The following SMARCA2 variants were observed in gnomAD, a reference collection of about 807,000 sequenced individuals.
The protein encoded by SMARCA2 is SWI/SNF related BAF chromatin remodeling complex subunit ATPase 2.
Under a neutral mutation model 199.8 loss-of-function variants are expected in SMARCA2, and 61 were observed. The ratio of observed to expected loss-of-function variants is 0.31; its 90% CI spans 0.25 to 0.38. The LOEUF (loss-of-function observed/expected upper bound fraction) is 0.38. Ranked by LOEUF, SMARCA2 falls within the 10% of genes least tolerant of loss-of-function variation. SMARCA2 has a pLI of 1.00. For missense variants in SMARCA2, 1,344 were observed against 2,012.2 expected (o/e 0.67, Z 6.35); for synonymous variants, 935 against 732.0 (o/e 1.28, Z -4.48).
Position 2,170,752 on chromosome 9 carries a change from C to G in SMARCA2, c.4253+280C>G, listed in dbSNP as rs1354306658. On this transcript the variant is annotated intron_variant, in intron 29 of 33. Coordinates refer to ENST00000349721, the MANE Select transcript of SMARCA2 (RefSeq NM_003070.5). This position sits in a 1 kb window ranked among gnomAD's most constrained non-coding sequence, Gnocchi z 4.7. Reference sequence around the variant, plus strand: ...GGAAAGCCCGCCCTAACTGCAGCATCTTGGAGATGGGTTTCTGTTGCTTCC... The same window carrying G: ...GGAAAGCCCGCCCTAACTGCAGCATGTTGGAGATGGGTTTCTGTTGCTTCC... Among the ~76,000 whole-genome samples, 1 of 152,224 alleles carries G rather than the reference C, an allele frequency of 6.6e-6. No homozygotes were observed. Among genetic ancestry groups the G allele is most frequent in the African/African-American group, 2.4e-5 (1 of 41,448 alleles).
At chr9:2,103,843 C>T (rs1331586508) in intron 22 of SMARCA2, among the ~76,000 whole-genome samples, 160 bp from the exon 23 acceptor site, 2 of 152,030 alleles carry the variant, frequency 1.3e-5, no homozygotes, top group Non-Finnish European at 2.9e-5. Context: ...TAAATATTCT[C>T]ATTGCTTTGG....
intron 10 of SMARCA2, among the ~76,000 whole-genome samples, chr9:2,072,342 C>T (rs1821123657): frequency 6.6e-6 from 1 of 152,116 alleles, no homozygotes; most frequent in Admixed American, 6.5e-5. Flanking sequence ...CAATCAGGAG[C>T]AGTCATTCGT....
intron 3 of SMARCA2, among the ~76,000 whole-genome samples, chr9:2,033,835 A>C (rs1415428894): frequency 6.6e-6 from 1 of 151,970 alleles, no homozygotes; most frequent in Non-Finnish European, 1.5e-5. Context: ...ATCCACATGA[A>C]ATTTTTCCTG....
intron 32 of SMARCA2, among the ~76,000 whole-genome samples, chr9:2,189,702 CA>C (rs1464773510): frequency 6.6e-6 from 1 of 151,938 alleles, no homozygotes; most frequent in African/African-American, 2.4e-5. Flanking sequence ...AAGCAGCAGA[CA>C]GTGGGTATAA....
At chr9:2,095,701 T>C (rs941840378) in intron 19 of SMARCA2, among the ~76,000 whole-genome samples, 11 of 152,234 alleles carry the variant, frequency 7.2e-5, no homozygotes, top group African/African-American at 2.7e-4. Context: ...GAAGGAATAT[T>C]CAAGTTCTCT....
At position 2,115,025 on chromosome 9, in the gene SMARCA2, G is replaced by A. The variant is rs1823157517; in HGVS notation, c.3457-797G>A. On this transcript the variant is annotated intron_variant, in intron 24 of 33. Transcript: ENST00000349721. The surrounding 1 kb of genome is among the most constrained non-coding windows in gnomAD (Gnocchi z 6.0). ...TACTATAATTCATTTAACTAATTCAGTATTGTTGAATGTTTCTTTTTTTAA... is the reference window on the plus strand; with the variant it reads ...TACTATAATTCATTTAACTAATTCAATATTGTTGAATGTTTCTTTTTTTAA... 6.6e-6 allele frequency among the ~76,000 whole-genome samples: 1 copy of A among 151,730 alleles called. No homozygotes were observed. The highest frequency in any genetic ancestry group is 2.1e-4 in the South Asian group (1 of 4,814).
rs1226947012 is a variant in SMARCA2, at chr9:2,056,233, G to A, written c.1174-439G>A. Among the ~76,000 whole-genome samples, 1 of 152,184 alleles carries A rather than the reference G, an allele frequency of 6.6e-6. No individual in the cohort carries two copies. Among genetic ancestry groups the A allele is most frequent in the Admixed American group, 6.5e-5 (1 of 15,278 alleles). Reference sequence around the variant, plus strand: ...GTTTGAGTACCTGCTGCTACCACACGTGAAAGTAATTCTTTTATTCTTTTT... The same window carrying A: ...GTTTGAGTACCTGCTGCTACCACACATGAAAGTAATTCTTTTATTCTTTTT... On this transcript the variant is annotated intron_variant, in intron 6 of 33. Transcript: ENST00000349721. The surrounding 1 kb of genome is among the most constrained non-coding windows in gnomAD (Gnocchi z 4.0).
chr9:2,167,951 A>G (rs1267044430), intron 28 of SMARCA2, among the ~76,000 whole-genome samples: 1 of 152,108 alleles, frequency 6.6e-6, no homozygotes, highest in African/African-American at 2.4e-5. Flanking sequence ...ATCTGAGGAT[A>G]CAATGACATT....
chr9:2,192,557 G>T, intron 33 of SMARCA2, 147 bp from the exon 34 acceptor site: 1 of 709,064 alleles, frequency 1.4e-6, no homozygotes. Flanking sequence ...CCTCTTTAAT[G>T]TGTTTCTGTC....
intron 27 of SMARCA2, among the ~76,000 whole-genome samples, chr9:2,128,025 G>C (rs1335843751): frequency 6.6e-6 from 1 of 152,048 alleles, no homozygotes; most frequent in African/African-American, 2.4e-5. Context: ...AGGAAACTTA[G>C]ATGTCCTTAG....
intron 27 of SMARCA2, among the ~76,000 whole-genome samples, chr9:2,133,445 C>G (rs1012239934): frequency 5.9e-5 from 9 of 152,022 alleles, no homozygotes; most frequent in African/African-American, 2.2e-4. Flanking sequence ...CCACACCCAG[C>G]TAATTTTTGT....
chr9:2,174,402 C>T (rs1826421025), intron 29 of SMARCA2, among the ~76,000 whole-genome samples: 1 of 152,166 alleles, frequency 6.6e-6, no homozygotes, highest in Admixed American at 6.5e-5. Flanking sequence ...CTGTCTCACT[C>T]CTTTAGAATC....
chr9:2,097,161 C>T (rs1218112473), intron 20 of SMARCA2: 4 of 512,464 alleles, frequency 7.8e-6, no homozygotes, highest in Non-Finnish European at 1.4e-5. Flanking sequence ...GGACATAATC[C>T]TTCAAGGTTC....
At chr9:2,176,690 C>G (rs1563829873) in intron 29 of SMARCA2, among the ~76,000 whole-genome samples, 1 of 151,544 alleles carries the variant, frequency 6.6e-6, no homozygotes, top group South Asian at 2.1e-4. Flanking sequence ...TAGCTTGGGA[C>G]TACAGGCACA....
intron 32 of SMARCA2, among the ~76,000 whole-genome samples, chr9:2,188,025 T>A (rs1008021678): frequency 1.3e-5 from 2 of 152,184 alleles, no homozygotes; most frequent in African/African-American, 4.8e-5. Context: ...TTACACGTTT[T>A]TTTACCTTTT....
At chr9:2,159,200 T>C (rs532045071) in intron 27 of SMARCA2, among the ~76,000 whole-genome samples, 1 of 152,300 alleles carries the variant, frequency 6.6e-6, no homozygotes, top group Admixed American at 6.5e-5. Flanking sequence ...AGTAGAAATA[T>C]CCTTTTTACA....
intron 28 of SMARCA2, among the ~76,000 whole-genome samples, chr9:2,167,926 C>G (rs956207155): frequency 1.1e-4 from 16 of 151,788 alleles, no homozygotes; most frequent in African/African-American, 3.9e-4. Context: ...AAGTAGGGGT[C>G]GTATGAGCCC....
intron 21 of SMARCA2, among the ~76,000 whole-genome samples, chr9:2,097,954 C>G (rs907048175): frequency 6.6e-6 from 1 of 152,116 alleles, no homozygotes; most frequent in African/African-American, 2.4e-5. Context: ...TTATATTTTT[C>G]CTTTCTTGTT....
chr9:2,049,970 T>C (rs1820044683), intron 5 of SMARCA2, among the ~76,000 whole-genome samples: 1 of 152,212 alleles, frequency 6.6e-6, no homozygotes, highest in Non-Finnish European at 1.5e-5. Flanking sequence ...AAAAATCATC[T>C]GTCAGAAATT....
Sources: gnomAD v4.1 joint callset for allele counts (sites outside exome capture counted in the v4.1 genomes callset) on GRCh38, gnomAD v4.1.1 for gene constraint, Gnocchi (gnomAD v3.1) non-coding constraint, MANE v1.5 for transcripts, NCBI Gene and HGNC (gene_info 2026-07-23, HGNC 2026-07-21) for gene names.